The following ZNF483 variants were observed in gnomAD, a reference collection of about 807,000 sequenced individuals.
ZNF483 encodes zinc finger protein 483.
Under a neutral mutation model 28.6 loss-of-function variants are expected in ZNF483, and 9 were observed. The observed-to-expected ratio is 0.32, with a 90% CI of 0.19 to 0.55. ZNF483 has a LOEUF of 0.55. ZNF483 is among the 20% of genes least tolerant of loss of function. The pLI is 0.93. For missense variants in ZNF483, 675 were observed against 871.7 expected, an observed-to-expected ratio of 0.77 and a Z score of 2.84; for synonymous variants, 322 against 306.2, an observed-to-expected ratio of 1.05 and a Z score of -0.54.
In ZNF483 at chr9:111,552,838, A is replaced by G. The variant is rs1828009048; in HGVS notation, c.*9668A>G. ...TAGCAAAAATATATTCTGTTCATGT[A>G]TATCCAAGAGCAAAATTGTTTAATG... is the stretch of plus-strand genomic sequence containing the variant. On this transcript the variant is annotated 3_prime_UTR_variant, in exon 6 of 6. Coordinates refer to ENST00000309235, the MANE Select transcript of ZNF483 (RefSeq NM_133464.5). 6.6e-6 allele frequency among the ~76,000 whole-genome samples: 1 copy of G among 152,174 alleles called. No homozygotes were observed. The highest frequency in any genetic ancestry group is 1.5e-5 in the Non-Finnish European group (1 of 68,012).
At chr9:111,576,511 G>C in exon 6 of ZNF483, 1 of 1,530,020 alleles carries the variant, frequency 6.5e-7, no homozygotes. Flanking sequence ...TCGGGGAAGA[G>C]CTGGATGGAG....
In ZNF483 at chr9:111,546,803, C is replaced by G. The variant is rs1301483515; in HGVS notation, c.*3633C>G. Among the ~76,000 whole-genome samples the G allele has an allele frequency of 6.6e-6, 1 of 152,116 alleles. No homozygotes were observed. Among genetic ancestry groups the G allele is most frequent in the African/African-American group, 2.4e-5 (1 of 41,436 alleles). Reference sequence around the variant, plus strand: ...CATCTCCAGAACTTTTTCATCATCCCAAACTGAAACTCTGTACTCCTTAAA... The same window carrying G: ...CATCTCCAGAACTTTTTCATCATCCGAAACTGAAACTCTGTACTCCTTAAA... On this transcript the variant is annotated 3_prime_UTR_variant, in exon 6 of 6. Transcript: ENST00000309235.
chr9:111,557,046 G>T (rs569503029), downstream of ZNF483, among the ~76,000 whole-genome samples: 2 of 152,174 alleles, frequency 1.3e-5, no homozygotes, highest in Admixed American at 1.3e-4. Flanking sequence ...AAGGGCTGCC[G>T]CGAAGATCTC....
chr9:111,532,956 AT>A, intron 3 of ZNF483, among the ~76,000 whole-genome samples: 1 of 152,262 alleles, frequency 6.6e-6, no homozygotes, highest in African/African-American at 2.4e-5. Flanking sequence ...GTGAGTCAGT[AT>A]TCTTGTTTGT....
intron 5 of ZNF483, among the ~76,000 whole-genome samples, chr9:111,540,033 G>A (rs1827634950): frequency 6.6e-6 from 1 of 152,154 alleles, no homozygotes; most frequent in South Asian, 2.1e-4. Flanking sequence ...TTGGAAGGCT[G>A]AGGTGGGAGG....
chr9:111,527,239 T>C (rs1438955700), intron 1 of ZNF483, 29 bp from the exon 2 acceptor site: 7 of 723,726 alleles, frequency 9.7e-6, no homozygotes, highest in Non-Finnish European at 1.3e-5. Context: ...TTTTTACTTA[T>C]TTAATGCCTT....
chr9:111,565,480 C>T (rs1244396592), intron 5 of ZNF483, among the ~76,000 whole-genome samples: 1 of 152,144 alleles, frequency 6.6e-6, no homozygotes, highest in Non-Finnish European at 1.5e-5. Context: ...TATGGGAGCT[C>T]TCTGTACTAT....
rs946203852 is a variant in ZNF483, at chr9:111,548,130, A to T, written c.*4960A>T. Among the ~76,000 whole-genome samples, 5 of 152,166 alleles carry T rather than the reference A, an allele frequency of 3.3e-5. No homozygotes were observed. Among genetic ancestry groups the T allele is most frequent in the Non-Finnish European group, 5.9e-5 (4 of 67,976 alleles). On this transcript the variant is annotated 3_prime_UTR_variant, in exon 6 of 6. Transcript: ENST00000309235. Reference sequence around the variant, plus strand: ...TGTTCTTTCCCAAATTGTTTTGGCTATTTGGGGGTCCTTAAGATTTCAAAT... The same window carrying T: ...TGTTCTTTCCCAAATTGTTTTGGCTTTTTGGGGGTCCTTAAGATTTCAAAT...
intron 5 of ZNF483, among the ~76,000 whole-genome samples, chr9:111,569,706 C>T (rs1231820846): frequency 2.6e-5 from 4 of 152,006 alleles, no homozygotes; most frequent in Admixed American, 1.3e-4. Context: ...CGGAGGTTGC[C>T]GTGAGCTGAG....
rs537936057 is a variant in ZNF483 at position 111,535,722 on chromosome 9, T to C, written c.721+1369T>C. Among the ~76,000 whole-genome samples, 18 of 151,628 alleles carry C rather than the reference T, an allele frequency of 1.2e-4. No individual in the cohort carries two copies. In the South Asian group the frequency reaches 3.1e-3, roughly 26 times the overall value. ...CCACGCCAAGCTAATTTTTTTTGTA[T>C]TTTTAGTAGAGGCGGGGTTTCACCA... On this transcript the variant is annotated intron_variant, in intron 5 of 5. Coordinates refer to ENST00000309235, the MANE Select transcript of ZNF483 (RefSeq NM_133464.5).
chr9:111,533,671 C>T (rs1028219493), intron 3 of ZNF483, 68 bp from the exon 4 acceptor site: 2 of 1,112,380 alleles, frequency 1.8e-6, no homozygotes, highest in Non-Finnish European at 2.4e-6. Context: ...TAGCCTGTCT[C>T]AAAAAAAAAA....
chr9:111,562,878 T>G, intron 5 of ZNF483: 1 of 1,182,988 alleles, frequency 8.5e-7, no homozygotes, highest in South Asian at 2.5e-5. Context: ...TCAAAGCCAT[T>G]ATTTTCTACC....
In ZNF483 at chr9:111,550,457, G is replaced by A. The variant is rs544169577; in HGVS notation, c.*7287G>A. On this transcript the variant is annotated 3_prime_UTR_variant, in exon 6 of 6. Coordinates refer to ENST00000309235, the MANE Select transcript of ZNF483 (RefSeq NM_133464.5). The stretch of plus-strand genomic sequence containing the variant: ...TGGGGTTGTGTCTCCACAGCTGCCT[G>A]CCATGGAGTGGGTGGGGATGGGTAG... 2.4e-4 allele frequency among the ~76,000 whole-genome samples: 37 copies of A among 152,332 alleles called. No homozygotes were observed. The highest frequency in any genetic ancestry group is 8.9e-4 in the African/African-American group (37 of 41,582).
chr9:111,532,437 A>G (rs1487177478), intron 3 of ZNF483, among the ~76,000 whole-genome samples: 1 of 152,210 alleles, frequency 6.6e-6, no homozygotes, highest in Non-Finnish European at 1.5e-5. Context: ...GAAAACACAA[A>G]GAGAAGGTGT....
chr9:111,527,368 G>C lies in ZNF483; in HGVS notation c.-28G>C, dbSNP rs769251525. Reference sequence around the variant, plus strand: ...TACTGATACTCAACTAGAGTGTGAAGGGACTGGATTCCTGCCCCTGAGACA... The same window carrying C: ...TACTGATACTCAACTAGAGTGTGAACGGACTGGATTCCTGCCCCTGAGACA... On this transcript the variant is annotated 5_prime_UTR_variant, in exon 2 of 6. Transcript: ENST00000309235. The C allele has an allele frequency of 6.2e-7, 1 of 1,604,868 alleles. No individual in the cohort carries two copies.
chr9:111,556,081 T>G (rs1305827117), downstream of ZNF483, among the ~76,000 whole-genome samples: 2 of 152,326 alleles, frequency 1.3e-5, no homozygotes, highest in Non-Finnish European at 2.9e-5. Context: ...AGACACTGGG[T>G]AAATGCTCCC....
Position 111,543,656 on chromosome 9 carries a change from G to A in ZNF483, c.*486G>A. On this transcript the variant is annotated 3_prime_UTR_variant, in exon 6 of 6. Coordinates refer to ENST00000309235, the MANE Select transcript of ZNF483 (RefSeq NM_133464.5). ...TTTTTTAGTTTTTTATTGGTATCCT[G>A]ATAATCTCTGAAGCTGTGGACATAA... The A allele has an allele frequency of 2.0e-6, 2 of 983,084 alleles. No homozygotes were observed. Among genetic ancestry groups the A allele is most frequent in the Non-Finnish European group, 2.4e-6 (2 of 828,276 alleles). 60.9% of individuals were successfully genotyped at this position (983,084 alleles called of 1,614,324 possible).
rs1827766630 is a variant in ZNF483 at position 111,544,767 on chromosome 9, T to C, written c.*1597T>C. Among the ~76,000 whole-genome samples the C allele has an allele frequency of 6.6e-6, 1 of 152,168 alleles. No homozygotes were observed. Among genetic ancestry groups the C allele is most frequent in the African/African-American group, 2.4e-5 (1 of 41,450 alleles). On this transcript the variant is annotated 3_prime_UTR_variant, in exon 6 of 6. Coordinates refer to ENST00000309235, the MANE Select transcript of ZNF483 (RefSeq NM_133464.5). Reference sequence around the variant, plus strand: ...GAATATACGGGTATTGGTGGATTATTCCTTATAAATTTCATTGGTGGAGTC... The same window carrying C: ...GAATATACGGGTATTGGTGGATTATCCCTTATAAATTTCATTGGTGGAGTC...
At chr9:111,534,147 G>T (rs1827419354) in intron 4 of ZNF483, 114 bp from the exon 5 acceptor site, 1 of 923,820 alleles carries the variant, frequency 1.1e-6, no homozygotes, top group Middle Eastern at 2.9e-4. Context: ...TTATGTCTGT[G>T]TATTTTGGTA....
Sources: gnomAD v4.1 joint callset for allele counts (sites outside exome capture counted in the v4.1 genomes callset) on GRCh38, gnomAD v4.1.1 for gene constraint, MANE v1.5 for transcripts, NCBI Gene and HGNC (gene_info 2026-07-23, HGNC 2026-07-21) for gene names.